Variants in LIN7A observed in about 807,000 individuals in gnomAD.
LIN7A encodes the protein lin-7 cell polarity scaffold A, also known as protein lin-7 homolog A.
In LIN7A, 25 loss-of-function variants were observed where a neutral mutation model predicts 29.8. The observed-to-expected ratio is 0.84, with a 90% CI of 0.61 to 1.17. The LOEUF (loss-of-function observed/expected upper bound fraction) is 1.17, where lower values mean the gene tolerates loss of function less well. LIN7A is among the 50% of genes most tolerant of loss of function. The pLI is 0.00. For missense variants in LIN7A, 239 were observed against 287.0 expected, an observed-to-expected ratio of 0.83 and a Z score of 1.21; for synonymous variants, 118 against 107.5, an observed-to-expected ratio of 1.10 and a Z score of -0.60.
At chr12:80,922,540 A>G (rs1034116676) in intron 1 of LIN7A, among the ~76,000 whole-genome samples, 2 of 152,176 alleles carry the variant, frequency 1.3e-5, no homozygotes, top group Non-Finnish European at 2.9e-5. Context: ...CACAGTCATG[A>G]TCTCTTGGTT....
chr12:80,835,930 A>G (rs1354978012), intron 4 of LIN7A, among the ~76,000 whole-genome samples: 1 of 152,204 alleles, frequency 6.6e-6, no homozygotes, highest in Non-Finnish European at 1.5e-5. Flanking sequence ...AGTTGTTATC[A>G]TATGCAATAT....
chr12:80,935,398 G>A (rs1878153643), intron 1 of LIN7A, among the ~76,000 whole-genome samples: 1 of 152,122 alleles, frequency 6.6e-6, no homozygotes, highest in Admixed American at 6.5e-5. Flanking sequence ...ATTATAGACT[G>A]CTAAAGCTGC....
At chr12:80,831,238 T>A (rs1256039629) in intron 4 of LIN7A, among the ~76,000 whole-genome samples, 1 of 152,154 alleles carries the variant, frequency 6.6e-6, no homozygotes, top group Non-Finnish European at 1.5e-5. Flanking sequence ...TAGATACAAG[T>A]TCATGTATAT....
intron 4 of LIN7A, among the ~76,000 whole-genome samples, chr12:80,814,853 A>G (rs1871458572): frequency 6.6e-6 from 1 of 152,194 alleles, no homozygotes. Flanking sequence ...AACAGAGTCA[A>G]CAGGTCTGTT....
chr12:80,870,538 C>G lies in LIN7A; in HGVS notation c.201+18713G>C, dbSNP rs545390253. Among the ~76,000 whole-genome samples, 101 of 152,306 alleles carry G rather than the reference C, an allele frequency of 6.6e-4. 1 individual carries two copies. Among genetic ancestry groups the G allele is most frequent in the African/African-American group, 2.3e-3 (96 of 41,574 alleles). ...GAAGTGGGGAGCACAGAGGTCTCAT[C>G]ACTTCCGTTCTTCTTATAACAACAT... On this transcript the variant is annotated intron_variant, in intron 2 of 5. Transcript: ENST00000552864.
chr12:80,808,697 A>T (rs1219966063), intron 5 of LIN7A, among the ~76,000 whole-genome samples: 1 of 151,610 alleles, frequency 6.6e-6, no homozygotes, highest in South Asian at 2.1e-4. Flanking sequence ...AGTAGAGACG[A>T]GGTTTCACCA....
chr12:80,880,562 T>G (rs1874969681), intron 2 of LIN7A, among the ~76,000 whole-genome samples: 1 of 152,192 alleles, frequency 6.6e-6, no homozygotes, highest in Non-Finnish European at 1.5e-5. Context: ...ATCAGTGTCT[T>G]TCACACGAAT....
chr12:80,846,543 T>C (rs1463254019), intron 3 of LIN7A, among the ~76,000 whole-genome samples: 1 of 152,124 alleles, frequency 6.6e-6, no homozygotes, highest in Non-Finnish European at 1.5e-5. Context: ...TAAAATAAAA[T>C]AATAGATTCA....
intron 1 of LIN7A, among the ~76,000 whole-genome samples, chr12:80,908,821 G>T (rs1300787330): frequency 2.0e-5 from 3 of 148,302 alleles, no homozygotes; most frequent in African/African-American, 7.4e-5. Context: ...TCTTTTATTC[G>T]TTTTTTTTTA....
chr12:80,936,589 C>T (rs1186224409), intron 1 of LIN7A: 1 of 152,274 alleles, frequency 6.6e-6, no homozygotes, highest in Non-Finnish European at 1.5e-5. Flanking sequence ...TAGAGGGTGT[C>T]CTCCTCTGCA....
At position 80,891,093 on chromosome 12, in the gene LIN7A, G is replaced by T. The variant is rs77040308; in HGVS notation, c.83-1724C>A. 3.3e-5 allele frequency among the ~76,000 whole-genome samples: 5 copies of T among 152,052 alleles called. No individual in the cohort carries two copies. The East Asian group carries it at 9.7e-4, about 29-fold the overall frequency. ...ACACTCCCCTTGCATACAGATAGTC[G>T]GCAAGTGCGGTAGATTCTATCTTGG... On this transcript the variant is annotated intron_variant, in intron 1 of 5. Transcript: ENST00000552864.
intron 1 of LIN7A, among the ~76,000 whole-genome samples, chr12:80,919,050 T>A (rs1410434373): frequency 6.6e-6 from 1 of 152,172 alleles, no homozygotes; most frequent in African/African-American, 2.4e-5. Context: ...ACTATCTAGG[T>A]TTTTATAAGT....
At chr12:80,878,599 C>T (rs560157600) in intron 2 of LIN7A, among the ~76,000 whole-genome samples, 4 of 152,110 alleles carry the variant, frequency 2.6e-5, no homozygotes, top group East Asian at 3.9e-4. Flanking sequence ...TTCCACAGTA[C>T]GGAAAGAGAT....
chr12:80,917,809 T>C (rs1877100809), intron 1 of LIN7A, among the ~76,000 whole-genome samples: 1 of 152,182 alleles, frequency 6.6e-6, no homozygotes, highest in Non-Finnish European at 1.5e-5. Flanking sequence ...TCCCTTTGCC[T>C]GAAACACAGG....
At chr12:80,807,063 G>GTTTTTTTTTTTGTTTTTT (rs1871030194) in intron 5 of LIN7A, among the ~76,000 whole-genome samples, 2 of 53,592 alleles carry the variant, frequency 3.7e-5, no homozygotes, top group East Asian at 5.3e-4. Context: ...TGAAGATGGA[G>GTTTTTTTTTTTGTTTTTT]TTTTTTTTTT....
At chr12:80,848,365 G>T (rs754199026) in intron 2 of LIN7A, 43 bp from the exon 3 acceptor site, 4 of 1,351,786 alleles carry the variant, frequency 3.0e-6, no homozygotes, top group Non-Finnish European at 2.1e-6. Context: ...AGAACATGAA[G>T]AATAATAATT....
chr12:80,906,556 C>A (rs1173233827), intron 1 of LIN7A, among the ~76,000 whole-genome samples: 1 of 151,944 alleles, frequency 6.6e-6, no homozygotes, highest in Non-Finnish European at 1.5e-5. Context: ...GTTCCTTTTT[C>A]TAAGAACCAC....
chr12:80,880,314 T>G (rs1161944474), intron 2 of LIN7A, among the ~76,000 whole-genome samples: 1 of 152,198 alleles, frequency 6.6e-6, no homozygotes, highest in African/African-American at 2.4e-5. Context: ...AAACCTCTCT[T>G]GTCAAATTGT....
chr12:80,922,885 A>C (rs1177663724), intron 1 of LIN7A, among the ~76,000 whole-genome samples: 1 of 152,118 alleles, frequency 6.6e-6, no homozygotes, highest in African/African-American at 2.4e-5. Context: ...ATTACTGTAT[A>C]AGAAAAACAG....
Sources: gnomAD v4.1 joint callset for allele counts (sites outside exome capture counted in the v4.1 genomes callset) on GRCh38, gnomAD v4.1.1 for gene constraint, MANE v1.5 for transcripts, NCBI Gene and HGNC (gene_info 2026-07-23, HGNC 2026-07-21) for gene names.